CDH12: variants seen among roughly 807,000 people sequenced by gnomAD.
CDH12 encodes the protein cadherin 12, also known as cadherin-12.
In CDH12, 41 loss-of-function variants were observed where a neutral mutation model predicts 74.1. The observed-to-expected ratio is 0.55, with a 90% CI of 0.43 to 0.72. The LOEUF (loss-of-function observed/expected upper bound fraction) is 0.72, where lower values mean the gene tolerates loss of function less well. CDH12 is among the 30% of genes least tolerant of loss of function. CDH12 has a pLI of 0.00. For synonymous variants in CDH12, 399 were observed against 355.0 expected (o/e 1.12, Z -1.39); for missense variants, 945 against 977.2 (o/e 0.97, Z 0.44).
At chr5:22,589,879 T>G (rs555486782) in intron 1 of CDH12, among the ~76,000 whole-genome samples, 6 of 152,214 alleles carry the variant, frequency 3.9e-5, no homozygotes, top group African/African-American at 1.4e-4. Context: ...ACTAACAAAT[T>G]TATATCTAAT....
chr5:22,482,262 A>G (rs1054663503), intron 2 of CDH12, among the ~76,000 whole-genome samples: 3 of 152,142 alleles, frequency 2.0e-5, no homozygotes, highest in African/African-American at 7.2e-5. Context: ...AATCCAGTAG[A>G]CTTCCTCATA....
chr5:22,449,871 A>G (rs1744974806), intron 2 of CDH12, among the ~76,000 whole-genome samples: 1 of 151,894 alleles, frequency 6.6e-6, no homozygotes, highest in Non-Finnish European at 1.5e-5. Flanking sequence ...CAACACATTC[A>G]TTTGCATTTA....
intron 6 of CDH12, among the ~76,000 whole-genome samples, chr5:21,890,579 A>C (rs1418370037): frequency 6.6e-6 from 1 of 152,078 alleles, no homozygotes; most frequent in Admixed American, 6.6e-5. Context: ...AGGGGGATAA[A>C]AATAATTATG....
intron 4 of CDH12, among the ~76,000 whole-genome samples, chr5:22,159,741 G>T (rs973294614): frequency 6.6e-6 from 1 of 152,054 alleles, no homozygotes; most frequent in South Asian, 2.1e-4. Flanking sequence ...TTGTTACAGC[G>T]TTATCAACTG....
intron 5 of CDH12, among the ~76,000 whole-genome samples, chr5:22,052,409 T>C (rs1740436538): frequency 6.6e-6 from 1 of 152,044 alleles, no homozygotes; most frequent in South Asian, 2.1e-4. Flanking sequence ...CGGGAATCGT[T>C]CACCTATGAC....
chr5:22,224,392 G>C (rs532200097), intron 3 of CDH12, among the ~76,000 whole-genome samples: 34 of 150,266 alleles, frequency 2.3e-4, no homozygotes, highest in African/African-American at 7.6e-4. Flanking sequence ...AGGCAGAAAA[G>C]AATCAGGTGC....
intron 6 of CDH12, among the ~76,000 whole-genome samples, chr5:21,916,406 A>G (rs993411113): frequency 6.6e-6 from 1 of 152,194 alleles, no homozygotes; most frequent in Non-Finnish European, 1.5e-5. Flanking sequence ...AGCTCCAGTG[A>G]AACATTTTTC....
intron 3 of CDH12, among the ~76,000 whole-genome samples, chr5:22,265,400 A>T (rs1376759397): frequency 6.6e-6 from 1 of 152,172 alleles, no homozygotes; most frequent in East Asian, 1.9e-4. Flanking sequence ...ATATTTTAAC[A>T]AGCTAGTTAC....
chr5:21,998,919 G>A (rs1736447385), intron 5 of CDH12, among the ~76,000 whole-genome samples: 2 of 152,040 alleles, frequency 1.3e-5, no homozygotes. Flanking sequence ...TATAACTTAT[G>A]CATGTTTAAT....
At chr5:21,875,017 A>G (rs1478804703) in intron 6 of CDH12, among the ~76,000 whole-genome samples, 1 of 152,198 alleles carries the variant, frequency 6.6e-6, no homozygotes, top group Admixed American at 6.5e-5. Flanking sequence ...TAGTAACAAA[A>G]GCACTATGAG....
chr5:22,131,311 C>T (rs966953260), intron 4 of CDH12, among the ~76,000 whole-genome samples: 1 of 151,984 alleles, frequency 6.6e-6, no homozygotes, highest in African/African-American at 2.4e-5. Context: ...TTAGACACAA[C>T]TGTCACAGCT....
chr5:21,910,892 G>T (rs2216674), intron 6 of CDH12, among the ~76,000 whole-genome samples: 11 of 151,576 alleles, frequency 7.3e-5, no homozygotes, highest in Admixed American at 3.3e-4. Context: ...GATCCCAGAG[G>T]GTAAGGGAGC....
intron 3 of CDH12, among the ~76,000 whole-genome samples, chr5:22,238,395 C>T (rs923998518): frequency 1.3e-5 from 2 of 152,044 alleles, no homozygotes; most frequent in East Asian, 1.9e-4. Flanking sequence ...TGGATAAGAA[C>T]TCAAATGGAT....
At chr5:21,880,331 G>A (rs1041015783) in intron 6 of CDH12, among the ~76,000 whole-genome samples, 6 of 152,148 alleles carry the variant, frequency 3.9e-5, no homozygotes, top group African/African-American at 9.7e-5. Flanking sequence ...TCCTTCTACT[G>A]GAGTCATGCT....
intron 2 of CDH12, among the ~76,000 whole-genome samples, chr5:22,431,676 T>G (rs919234472): frequency 3.9e-5 from 6 of 152,118 alleles, no homozygotes; most frequent in African/African-American, 1.4e-4. Context: ...GATGTGGAGG[T>G]GAAAGACAGT....
At position 22,532,981 on chromosome 5, in the gene CDH12, A is replaced by C. The variant is rs528752495; in HGVS notation, c.-522-27617T>G. 4.0e-4 allele frequency among the ~76,000 whole-genome samples: 61 copies of C among 152,258 alleles called. No individual in the cohort carries two copies. In the South Asian group the frequency reaches 0.011, roughly 28 times the overall value. ...TCATAGTCCAAAAGTATACAGGGCA[A>C]ATTACTAGCCTATTTGAAACTTTAA... On this transcript the variant is annotated intron_variant, in intron 1 of 14. Coordinates refer to ENST00000382254, the MANE Select transcript of CDH12 (RefSeq NM_004061.5).
At chr5:22,354,014 T>C (rs1047674025) in intron 3 of CDH12, among the ~76,000 whole-genome samples, 2 of 152,148 alleles carry the variant, frequency 1.3e-5, no homozygotes, top group Non-Finnish European at 2.9e-5. Flanking sequence ...AGACCAGTAA[T>C]GAAGTCCCTT....
intron 1 of CDH12, among the ~76,000 whole-genome samples, chr5:22,517,808 TC>T (rs1296115284): frequency 6.6e-6 from 1 of 152,198 alleles, no homozygotes; most frequent in African/African-American, 2.4e-5. Context: ...CTTTTGTTTC[TC>T]TATTCACATT....
intron 3 of CDH12, among the ~76,000 whole-genome samples, chr5:22,338,526 G>T (rs1028902458): frequency 6.6e-6 from 1 of 152,036 alleles, no homozygotes; most frequent in Admixed American, 6.6e-5. Context: ...ACAGTAGGGG[G>T]ACTATAGCCA....
Sources: allele counts gnomAD v4.1 joint callset (sites outside exome capture counted in the v4.1 genomes callset), GRCh38; gene constraint gnomAD v4.1.1; transcripts MANE v1.5; gene names NCBI Gene and HGNC (gene_info 2026-07-23, HGNC 2026-07-21).